The following RAN variants were observed in gnomAD, a reference collection of about 807,000 sequenced individuals.
The protein encoded by RAN is RAN, member RAS oncogene family, also known as GTP-binding nuclear protein Ran.
Under a neutral mutation model 26.8 loss-of-function variants are expected in RAN, and 2 were observed. That is an observed-to-expected ratio of 0.07 (90% CI 0.03 to 0.23). The LOEUF (loss-of-function observed/expected upper bound fraction) is 0.23. Ranked by LOEUF, RAN falls within the 10% of genes least tolerant of loss-of-function variation. RAN has a pLI of 1.00. For synonymous variants in RAN, 132 were observed against 95.9 expected (o/e 1.38, Z -2.20); for missense variants, 56 against 264.8 (o/e 0.21, Z 5.47).
rs1953244844 is a variant in RAN at position 130,876,560 on chromosome 12, G to A, written c.*634G>A. 6.6e-6 allele frequency: 1 copy of A among 152,442 alleles called. No individual in the cohort carries two copies. The highest frequency in any genetic ancestry group is 2.4e-5 in the African/African-American group (1 of 41,438). The allele number at this position is 152,442 out of a possible 1,614,324, so 9.4% of individuals were successfully genotyped here. ...TTTGCTCCACCTTCATATTGGCTAGGTAGGGTCACCTAGGGAAGCACTTGC... is the reference window on the plus strand; with the variant it reads ...TTTGCTCCACCTTCATATTGGCTAGATAGGGTCACCTAGGGAAGCACTTGC... On this transcript the variant is annotated 3_prime_UTR_variant, in exon 7 of 7. Transcript: ENST00000543796.
intron 3 of RAN, 22 bp from the exon 4 acceptor site, chr12:130,872,981 A>C: frequency 6.2e-7 from 1 of 1,614,240 alleles, no homozygotes; most frequent in Non-Finnish European, 8.5e-7. Flanking sequence ...TCATCCACTC[A>C]ATCGCATCGT....
chr12:130,872,534 A>AT, intron 1 of RAN, 50 bp from the exon 2 acceptor site: 1 of 1,357,964 alleles, frequency 7.4e-7, no homozygotes, highest in Non-Finnish European at 9.5e-7. Flanking sequence ...CGGGGCCGCC[A>AT]TGGGCTGCGG....
Position 130,872,125 on chromosome 12 carries a change from A to G in RAN, c.-12A>G. The G allele has an allele frequency of 3.7e-6, 1 of 270,008 alleles. No homozygotes were observed. The highest frequency in any genetic ancestry group is 8.1e-6 in the Non-Finnish European group (1 of 123,990). 16.7% of individuals were successfully genotyped at this position (270,008 alleles called of 1,614,324 possible). A position where few individuals can be genotyped will look rare whatever the true frequency, so the allele number is the denominator to read the frequency against. ...GGACGGGCGCGGAGACGCTTCTGGAAGGTATCGCGACCCGGCGGGCCCGGC... is the reference window on the plus strand; with the variant it reads ...GGACGGGCGCGGAGACGCTTCTGGAGGGTATCGCGACCCGGCGGGCCCGGC... On this transcript the variant is annotated splice_region_variant and 5_prime_UTR_variant, in exon 1 of 7. Transcript: ENST00000543796.
In RAN at chr12:130,875,814, C is replaced by T. The variant is rs372635104; in HGVS notation, c.606+32C>T. 83 of 1,613,940 alleles carry T rather than the reference C, an allele frequency of 5.1e-5. 1 individual carries two copies. Among genetic ancestry groups the T allele is most frequent in the Non-Finnish European group, 6.2e-5 (73 of 1,179,974 alleles). ...TGGCCACTTTGCTGTTCAGATTGTT[C>T]GGTTTGGCTTGTTTATTCCTGGCAG... On this transcript the variant is annotated intron_variant, in intron 6 of 6. Transcript: ENST00000543796.
At chr12:130,874,336 G>T in intron 4 of RAN, 2 of 309,076 alleles carry the variant, frequency 6.5e-6, no homozygotes, top group Middle Eastern at 7.1e-4. Context: ...AAGTATATCA[G>T]GGAGATTTGA....
Position 130,877,572 on chromosome 12 carries a change from T to G in RAN, c.*1646T>G, listed in dbSNP as rs1027569980. 1.3e-5 allele frequency: 2 copies of G among 152,226 alleles called. No homozygotes were observed. The highest frequency in any genetic ancestry group is 4.8e-5 in the African/African-American group (2 of 41,462). 9.4% of individuals were successfully genotyped at this position (152,226 alleles called of 1,614,324 possible). On this transcript the variant is annotated 3_prime_UTR_variant, in exon 7 of 7. Transcript: ENST00000543796. Reference sequence around the variant, plus strand: ...GGATCTTCTATGTAACAGTTGAAATTTGGAAGTGACGTCACTTACCTGTCT... The same window carrying G: ...GGATCTTCTATGTAACAGTTGAAATGTGGAAGTGACGTCACTTACCTGTCT...
At chr12:130,873,949 G>A (rs912378768) in intron 4 of RAN, 18 of 293,064 alleles carry the variant, frequency 6.1e-5, no homozygotes, top group South Asian at 3.5e-4. Context: ...CTAAGCTCAA[G>A]CCATCCTCTT....
At position 130,872,144 on chromosome 12, in the gene RAN, G is replaced by T; in HGVS notation, c.-11+18G>T. 4.6e-6 allele frequency: 1 copy of T among 218,216 alleles called. No homozygotes were observed. Among genetic ancestry groups the T allele is most frequent in the Middle Eastern group, 7.6e-4 (1 of 1,316 alleles). The allele number at this position is 218,216 out of a possible 1,614,324, so 13.5% of individuals were successfully genotyped here. On this transcript the variant is annotated intron_variant, in intron 1 of 6. Coordinates refer to ENST00000543796, the MANE Select transcript of RAN (RefSeq NM_006325.5). The stretch of plus-strand genomic sequence containing the variant: ...TCTGGAAGGTATCGCGACCCGGCGG[G>T]CCCGGCACGGCCGGGCGGGGACAGG...
At position 130,876,608 on chromosome 12, in the gene RAN, A is replaced by G. The variant is rs938153598; in HGVS notation, c.*682A>G. On this transcript the variant is annotated 3_prime_UTR_variant, in exon 7 of 7. Transcript: ENST00000543796. ...TGCTCAAAATCTGTGACCTGTCAGA[A>G]TAAAAATGTGGTTTGTACATATCAA... is the stretch of plus-strand genomic sequence containing the variant. The G allele has an allele frequency of 2.6e-5, 4 of 152,382 alleles. No individual in the cohort carries two copies. Among genetic ancestry groups the G allele is most frequent in the African/African-American group, 9.6e-5 (4 of 41,468 alleles). 9.4% of individuals were successfully genotyped at this position (152,382 alleles called of 1,614,324 possible).
intron 6 of RAN, 27 bp from the exon 7 acceptor site, chr12:130,875,855 T>C (rs770809509): frequency 8.7e-6 from 14 of 1,614,030 alleles, no homozygotes; most frequent in Non-Finnish European, 1.2e-5. Flanking sequence ...ATCTGGAGTG[T>C]TAACGTTTTT....
In RAN at chr12:130,876,272, A is replaced by C. The variant is rs1164995180; in HGVS notation, c.*346A>C. On this transcript the variant is annotated 3_prime_UTR_variant, in exon 7 of 7. Coordinates refer to ENST00000543796, the MANE Select transcript of RAN (RefSeq NM_006325.5). ...TAGAATCAGAATAAAGTTGTATTTC[A>C]AATATCTAAGCAAGTGAACTCATCC... The C allele has an allele frequency of 4.1e-6, 1 of 245,364 alleles. No individual in the cohort carries two copies. The highest frequency in any genetic ancestry group is 9.2e-5 in the East Asian group (1 of 10,874). The allele number at this position is 245,364 out of a possible 1,614,324, so 15.2% of individuals were successfully genotyped here. A position where few individuals can be genotyped will look rare whatever the true frequency, so the allele number is the denominator to read the frequency against.
intron 4 of RAN, 33 bp from the exon 5 acceptor site, chr12:130,874,513 T>G (rs761606931): frequency 1.3e-6 from 2 of 1,493,098 alleles, no homozygotes; most frequent in Non-Finnish European, 1.8e-6. Context: ...TGCAGTAAAC[T>G]GAGTGTACTA....
At chr12:130,874,827 A>ATT in intron 5 of RAN, 94 bp downstream of exon 5, 3 of 1,119,510 alleles carry the variant, frequency 2.7e-6, no homozygotes, top group African/African-American at 1.6e-5. Context: ...TATGGAAATG[A>ATT]TTTTTTTTTC....
intron 1 of RAN, 59 bp from the exon 2 acceptor site, chr12:130,872,524 CG>C: frequency 8.0e-7 from 1 of 1,248,154 alleles, no homozygotes; most frequent in Non-Finnish European, 1.0e-6. Flanking sequence ...GGCGCGGGAG[CG>C]GGGCCGCCAT....
intron 4 of RAN, 64 bp from the exon 5 acceptor site, chr12:130,874,482 G>A (rs1953201134): frequency 7.5e-7 from 1 of 1,336,818 alleles, no homozygotes; most frequent in South Asian, 1.4e-5. Flanking sequence ...CTAGTCTCTG[G>A]TTCTTAGCAT....
In RAN at chr12:130,872,156, C is replaced by G. The variant is rs144406413; in HGVS notation, c.-11+30C>G. The stretch of plus-strand genomic sequence containing the variant: ...CGCGACCCGGCGGGCCCGGCACGGC[C>G]GGGCGGGGACAGGGGTGGCGGCGGC... On this transcript the variant is annotated intron_variant, in intron 1 of 6. Transcript: ENST00000543796. The G allele has an allele frequency of 3.5e-5, 7 of 199,666 alleles. No individual in the cohort carries two copies. The South Asian group carries it at 3.7e-4, about 10-fold the overall frequency. 12.4% of individuals were successfully genotyped at this position (199,666 alleles called of 1,614,324 possible). A position where few individuals can be genotyped will look rare whatever the true frequency, so the allele number is the denominator to read the frequency against.
Position 130,877,344 on chromosome 12 carries a change from G to A in RAN, c.*1418G>A, listed in dbSNP as rs564328093. 5.3e-5 allele frequency: 8 copies of A among 152,348 alleles called. No homozygotes were observed. The highest frequency in any genetic ancestry group is 8.8e-5 in the Non-Finnish European group (6 of 68,042). 9.4% of individuals were successfully genotyped at this position (152,348 alleles called of 1,614,324 possible). A position where few individuals can be genotyped will look rare whatever the true frequency, so the allele number is the denominator to read the frequency against. On this transcript the variant is annotated 3_prime_UTR_variant, in exon 7 of 7. Coordinates refer to ENST00000543796, the MANE Select transcript of RAN (RefSeq NM_006325.5). ...GAAGCTGAATAAAGTTCTACTTACT[G>A]TATTAACTGGCAACAGTTGAGTTTC...
At chr12:130,872,788 G>T in intron 2 of RAN, 48 bp from the exon 3 acceptor site, 2 of 1,599,740 alleles carry the variant, frequency 1.3e-6, no homozygotes, top group South Asian at 2.2e-5. Context: ...CTGGGATCTT[G>T]AGAGGTGAAG....
intron 1 of RAN, 76 bp from the exon 2 acceptor site, chr12:130,872,499 ACGTGGGGCG>A: frequency 9.6e-7 from 1 of 1,038,916 alleles, no homozygotes; most frequent in Non-Finnish European, 1.2e-6. Flanking sequence ...TGGGGCGGGC[ACGTGGGGCG>A]CTGGGGGCGC....
Sources: allele counts gnomAD v4.1 joint callset, GRCh38; gene constraint gnomAD v4.1.1; transcripts MANE v1.5; gene names NCBI Gene and HGNC (gene_info 2026-07-23, HGNC 2026-07-21).